The following LARP1B variants were observed in gnomAD, a reference collection of about 807,000 sequenced individuals.
The protein encoded by LARP1B is La ribonucleoprotein 1B.
A neutral mutation model predicts 114.2 loss-of-function variants in LARP1B; 76 were observed. The ratio of observed to expected loss-of-function variants is 0.67; its 90% CI spans 0.55 to 0.81. The LOEUF (loss-of-function observed/expected upper bound fraction) is 0.81, where lower values mean the gene tolerates loss of function less well. Among genes scored for constraint, LARP1B ranks in the 30% least tolerant of loss-of-function variants. The probability of loss-of-function intolerance (pLI) is 0.00; values close to 1 mark genes in which losing one functional copy is unlikely to be tolerated. For missense variants in LARP1B, 1,014 were observed against 1,075.8 expected (o/e 0.94, Z 0.80); for synonymous variants, 345 against 348.0 (o/e 0.99, Z 0.10).
At chr4:128,085,344 C>A (rs117227386) in intron 5 of LARP1B, among the ~76,000 whole-genome samples, 2,528 of 135,912 alleles carry the variant, frequency 0.019, 62 homozygotes, top group East Asian at 0.11. Flanking sequence ...TCAAACAAGC[C>A]TTAGCTTCCT....
intron 7 of LARP1B, 22 bp downstream of exon 7, chr4:128,091,534 G>A: frequency 7.7e-6 from 12 of 1,565,842 alleles, no homozygotes; most frequent in Non-Finnish European, 1.0e-5. Context: ...TTTGATGTAA[G>A]CAGACGGGAT....
chr4:128,123,173 C>A (rs1788547808), intron 11 of LARP1B: 1 of 985,380 alleles, frequency 1.0e-6, no homozygotes, highest in South Asian at 4.7e-5. Flanking sequence ...TTCCTGGAAT[C>A]CCCAGTACTG....
At chr4:128,062,018 C>T (rs1238157420) in intron 1 of LARP1B, 2 of 985,188 alleles carry the variant, frequency 2.0e-6, no homozygotes, top group South Asian at 4.7e-5. Context: ...ACCGCCACCG[C>T]CGCCGCCGTC....
chr4:128,209,640 G>A (rs1397111604), intron 19 of LARP1B, among the ~76,000 whole-genome samples: 4 of 151,082 alleles, frequency 2.6e-5, no homozygotes, highest in Non-Finnish European at 5.9e-5. Context: ...GAAGAATGGC[G>A]TGAACCCGGG....
chr4:128,160,522 T>TTGTGTG (rs70966082), intron 11 of LARP1B, among the ~76,000 whole-genome samples: 1 of 150,630 alleles, frequency 6.6e-6, no homozygotes, highest in African/African-American at 2.4e-5. Context: ...TGTACACTTC[T>TTGTGTG]TGTGTGTGTG....
At chr4:128,087,278 G>C (rs1773984936) in intron 5 of LARP1B, among the ~76,000 whole-genome samples, 1 of 152,210 alleles carries the variant, frequency 6.6e-6, no homozygotes, top group South Asian at 2.1e-4. Flanking sequence ...GATAGGATAT[G>C]TGGAAACAAT....
chr4:128,123,036 G>A, intron 11 of LARP1B: 1 of 985,370 alleles, frequency 1.0e-6, no homozygotes, highest in Non-Finnish European at 1.2e-6. Flanking sequence ...ACTGATCTTG[G>A]TTGGAAATAA....
intron 9 of LARP1B, among the ~76,000 whole-genome samples, chr4:128,111,613 G>T (rs1157950486): frequency 6.6e-6 from 1 of 152,102 alleles, no homozygotes; most frequent in Non-Finnish European, 1.5e-5. Context: ...TGAGTTGAGA[G>T]GATTACTTGA....
At chr4:128,208,662 C>T (rs1758243429) in intron 19 of LARP1B, among the ~76,000 whole-genome samples, 1 of 152,146 alleles carries the variant, frequency 6.6e-6, no homozygotes, top group Non-Finnish European at 1.5e-5. Flanking sequence ...TAGTTTAGCT[C>T]CACATAAAAA....
chr4:128,213,079 C>T (rs1433863135), downstream of LARP1B, among the ~76,000 whole-genome samples: 2 of 151,804 alleles, frequency 1.3e-5, no homozygotes, highest in African/African-American at 2.4e-5. Flanking sequence ...CCACTATGCC[C>T]GGCTAATTTT....
At chr4:128,202,980 C>T (rs1354232242) in intron 17 of LARP1B, among the ~76,000 whole-genome samples, 1 of 152,180 alleles carries the variant, frequency 6.6e-6, no homozygotes, top group Non-Finnish European at 1.5e-5. Flanking sequence ...AGGCAGATCA[C>T]TGAAGCCAGG....
At chr4:128,072,729 GT>G (rs1253764079) in intron 1 of LARP1B, among the ~76,000 whole-genome samples, 1 of 151,776 alleles carries the variant, frequency 6.6e-6, no homozygotes, top group East Asian at 1.9e-4. Flanking sequence ...GTTAATTTTT[GT>G]TTTTTTAGTA....
At chr4:128,075,547 C>CTT (rs1160065059) in intron 3 of LARP1B, among the ~76,000 whole-genome samples, 1 of 144,792 alleles carries the variant, frequency 6.9e-6, no homozygotes, top group African/African-American at 2.5e-5. Context: ...TCTTTCTTTT[C>CTT]TTTTTTTTTT....
At chr4:128,197,880 CTTT>C (rs35888649) in intron 15 of LARP1B, among the ~76,000 whole-genome samples, 2 of 86,986 alleles carry the variant, frequency 2.3e-5, no homozygotes, top group African/African-American at 8.5e-5. Flanking sequence ...ACGATTGTAG[CTTT>C]TTTTTTTTTT....
At chr4:128,130,184 C>G (rs895485741) in intron 11 of LARP1B, among the ~76,000 whole-genome samples, 8 of 151,944 alleles carry the variant, frequency 5.3e-5, no homozygotes, top group African/African-American at 1.9e-4. Flanking sequence ...GAGACTGTCT[C>G]TACGAAAAAT....
intron 1 of LARP1B, among the ~76,000 whole-genome samples, chr4:128,063,427 C>CAAAA (rs763868048): frequency 1.1e-3 from 15 of 13,216 alleles, no homozygotes; most frequent in African/African-American, 2.8e-3. Context: ...GACCCACTCT[C>CAAAA]AAAAAAAAAA....
At chr4:128,178,280 CAAAAAAGTATT>C in intron 13 of LARP1B, 140 bp from the exon 14 acceptor site, 1 of 594,996 alleles carries the variant, frequency 1.7e-6, no homozygotes, top group South Asian at 2.4e-5. Context: ...AGATAATGGT[CAAAAAAGTATT>C]TGTTATTTTT....
At chr4:128,196,014 G>A (rs1246832316) in intron 15 of LARP1B, among the ~76,000 whole-genome samples, 1 of 152,158 alleles carries the variant, frequency 6.6e-6, no homozygotes, top group Non-Finnish European at 1.5e-5. Flanking sequence ...AGCACTTTGT[G>A]AGGCTGAGGC....
chr4:128,077,897 A>C lies in LARP1B; in HGVS notation c.152A>C (p.Lys51Thr), dbSNP rs1768629480. The C allele has an allele frequency of 6.2e-6, 10 of 1,613,752 alleles. No individual in the cohort carries two copies. The highest frequency in any genetic ancestry group is 8.5e-6 in the Non-Finnish European group (10 of 1,179,874). The change falls in exon 4 of 20, where the codon AAA becomes ACA. Residue 51 changes from lysine (K) to threonine (T), a missense_variant. Coordinates refer to ENST00000326639, the MANE Select transcript of LARP1B (RefSeq NM_018078.4). Reference sequence around the variant, plus strand: ...GACAGCAAAGAAAACCGGGAAACAAAATTAAATGGTCCTGGTGAAAACGTC... The same window carrying C: ...GACAGCAAAGAAAACCGGGAAACAACATTAAATGGTCCTGGTGAAAACGTC... ...NSDSKENRET[K>T]LNGPGENVSE...
Sources: gnomAD v4.1 joint callset for allele counts (sites outside exome capture counted in the v4.1 genomes callset) on GRCh38, gnomAD v4.1.1 for gene constraint, MANE v1.5 for transcripts, NCBI Gene and HGNC (gene_info 2026-07-23, HGNC 2026-07-21) for gene names.